CACNB4: variants seen among roughly 807,000 people sequenced by gnomAD.
CACNB4 encodes the protein voltage-dependent L-type calcium channel subunit beta-4.
Under a neutral mutation model 71.2 loss-of-function variants are expected in CACNB4, and 32 were observed. That is an observed-to-expected ratio of 0.45 (90% CI 0.34 to 0.60). The LOEUF (loss-of-function observed/expected upper bound fraction) is 0.60, where lower values mean the gene tolerates loss of function less well. CACNB4 is among the 20% of genes least tolerant of loss of function. CACNB4 has a pLI of 0.01. For synonymous variants in CACNB4, 231 were observed against 236.9 expected, an observed-to-expected ratio of 0.97 and a Z score of 0.23; for missense variants, 464 against 647.9, an observed-to-expected ratio of 0.72 and a Z score of 3.08.
At chr2:151,990,701 C>T (rs1203683799) in intron 2 of CACNB4, among the ~76,000 whole-genome samples, 9 of 152,268 alleles carry the variant, frequency 5.9e-5, no homozygotes, top group South Asian at 2.1e-4. Flanking sequence ...TCTAATACAC[C>T]ATGGGCACAA....
chr2:152,095,933 G>T (rs1397126608), intron 2 of CACNB4, among the ~76,000 whole-genome samples: 1 of 152,164 alleles, frequency 6.6e-6, no homozygotes, highest in Non-Finnish European at 1.5e-5. Flanking sequence ...GATTACAGGC[G>T]TGAGCCACTG....
chr2:151,896,042 C>T (rs1164200461), intron 2 of CACNB4, among the ~76,000 whole-genome samples: 1 of 152,114 alleles, frequency 6.6e-6, no homozygotes, highest in Non-Finnish European at 1.5e-5. Flanking sequence ...GACGGGGTTT[C>T]ACCATGTTGG....
rs145958093 is a variant in CACNB4, at chr2:151,922,730, A to G, written c.148-39360T>C. Among the ~76,000 whole-genome samples the G allele has an allele frequency of 1.1e-3, 164 of 152,358 alleles. 3 individuals are homozygous for G. In the Middle Eastern group the frequency reaches 0.017, roughly 16 times the overall value. On this transcript the variant is annotated intron_variant, in intron 2 of 13. Coordinates refer to ENST00000539935, the MANE Select transcript of CACNB4 (RefSeq NM_000726.5). ...TGACAATCAGAACTTTCCAAAAGAT[A>G]TTTACCAAGACAGTTGCAGTTTGTG...
At chr2:151,933,274 ATATTT>A (rs2099862076) in intron 2 of CACNB4, among the ~76,000 whole-genome samples, 1 of 151,866 alleles carries the variant, frequency 6.6e-6, no homozygotes. Context: ...GCCTTATTAG[ATATTT>A]TACATAATTT....
In CACNB4 at chr2:151,880,901, C is replaced by A; in HGVS notation, c.289G>T (p.Val97Leu). The change falls in exon 4 of 14, where the codon GTG becomes TTG. Residue 97 changes from valine to leucine, a missense_variant. Transcript: ENST00000539935. ...RAKSKPVAFAVKTNVSYCGAL... is the reference protein window; with the variant it reads ...RAKSKPVAFALKTNVSYCGAL... ...CCGCAGTAGCTCACATTTGTCTTCA[C>A]GGCAAATGCTACAGGTTTGGACTAG... 1.2e-6 allele frequency: 2 copies of A among 1,612,744 alleles called. No individual in the cohort carries two copies. The highest frequency in any genetic ancestry group is 1.7e-6 in the Non-Finnish European group (2 of 1,179,274).
intron 2 of CACNB4, among the ~76,000 whole-genome samples, chr2:152,030,696 T>C (rs1343272432): frequency 6.6e-6 from 1 of 152,184 alleles, no homozygotes; most frequent in Non-Finnish European, 1.5e-5. Flanking sequence ...GAACATGCAG[T>C]GTTTGGTTTT....
At chr2:151,876,178 A>G (rs2099846192) in intron 5 of CACNB4, among the ~76,000 whole-genome samples, 2 of 152,110 alleles carry the variant, frequency 1.3e-5, no homozygotes, top group Admixed American at 1.3e-4. Context: ...CCTAGAGGAA[A>G]GCTTGGGTTC....
intron 2 of CACNB4, among the ~76,000 whole-genome samples, chr2:152,053,289 T>C (rs1685543803): frequency 6.6e-6 from 1 of 152,034 alleles, no homozygotes; most frequent in Non-Finnish European, 1.5e-5. Context: ...TAATGGACAG[T>C]GATGTAGTCA....
intron 2 of CACNB4, among the ~76,000 whole-genome samples, chr2:151,911,622 T>C (rs181203842): frequency 6.6e-6 from 1 of 152,336 alleles, no homozygotes; most frequent in East Asian, 1.9e-4. Flanking sequence ...TCAGGGATAT[T>C]GGCCTGAAGT....
chr2:152,053,680 T>C (rs781547986), intron 2 of CACNB4, among the ~76,000 whole-genome samples: 16 of 152,062 alleles, frequency 1.1e-4, no homozygotes, highest in Admixed American at 7.9e-4. Context: ...CATGCTACCA[T>C]GCTCAGCTAA....
chr2:151,859,167 T>C (rs772453100), intron 10 of CACNB4: 4 of 152,248 alleles, frequency 2.6e-5, no homozygotes, highest in Non-Finnish European at 4.4e-5. Flanking sequence ...TGTGGGTTTA[T>C]GACTTTACAG....
rs150953659 is a variant in CACNB4 at position 152,008,736 on chromosome 2, G to C, written c.147+89594C>G. Among the ~76,000 whole-genome samples the C allele has an allele frequency of 8.5e-5, 13 of 152,296 alleles. No individual in the cohort carries two copies. In the East Asian group the frequency reaches 1.7e-3, roughly 20 times the overall value. On this transcript the variant is annotated intron_variant, in intron 2 of 13. Transcript: ENST00000539935. ...CCACTTAATATGGAGTCTGGCCCAA[G>C]TCTAGGGTCTTGATCCTCCAAGCAT...
chr2:152,037,035 C>T (rs1684632057), intron 2 of CACNB4, among the ~76,000 whole-genome samples: 1 of 152,186 alleles, frequency 6.6e-6, no homozygotes, highest in East Asian at 1.9e-4. Flanking sequence ...TTCTTGATGG[C>T]CTTAGCCACA....
chr2:152,022,991 G>T (rs1463267721), intron 2 of CACNB4, among the ~76,000 whole-genome samples: 1 of 152,092 alleles, frequency 6.6e-6, no homozygotes, highest in Admixed American at 6.6e-5. Context: ...AATTTATAAA[G>T]AAAAGAGGTG....
rs1688387107 is a variant in CACNB4, at chr2:152,098,230, A to AC, written c.147+99dup. On this transcript the variant is annotated intron_variant, in intron 2 of 13. Coordinates refer to ENST00000539935, the MANE Select transcript of CACNB4 (RefSeq NM_000726.5). The surrounding 1 kb of genome is among the most constrained non-coding windows in gnomAD (Gnocchi z 5.3). ...CCGGGAAGAGACGCGCGCGGGCTTG[A>AC]CCCGCAGCTCCCGCACGTGTGGGCC... The AC allele has an allele frequency of 2.2e-6, 2 of 907,768 alleles. No homozygotes were observed. The highest frequency in any genetic ancestry group is 1.6e-5 in the African/African-American group (1 of 61,266). The allele number at this position is 907,768 out of a possible 1,614,324, so 56.2% of individuals were successfully genotyped here. A position where few individuals can be genotyped will look rare whatever the true frequency, so the allele number is the denominator to read the frequency against.
intron 2 of CACNB4, among the ~76,000 whole-genome samples, chr2:151,894,818 G>C (rs1185514474): frequency 2.0e-5 from 3 of 151,694 alleles, no homozygotes; most frequent in South Asian, 2.1e-4. Context: ...ATAGTTACAA[G>C]ATAATAATAA....
At chr2:151,968,529 A>G (rs1026063615) in intron 2 of CACNB4, 10 of 152,206 alleles carry the variant, frequency 6.6e-5, no homozygotes, top group African/African-American at 2.4e-4. Flanking sequence ...CACCTGGGTA[A>G]GAGACGGTAA....
intron 2 of CACNB4, chr2:151,973,309 C>A (rs150588189): frequency 1.0e-4 from 22 of 211,060 alleles, no homozygotes; most frequent in African/African-American, 4.6e-4. Context: ...TGAGGCTTTT[C>A]TATGAACCCT....
intron 2 of CACNB4, among the ~76,000 whole-genome samples, chr2:151,888,222 T>C (rs2099849849): frequency 6.6e-6 from 1 of 152,116 alleles, no homozygotes; most frequent in Admixed American, 6.6e-5. Flanking sequence ...AGGCAAATCG[T>C]AAAATTACAG....
Sources: allele counts gnomAD v4.1 joint callset (sites outside exome capture counted in the v4.1 genomes callset), GRCh38; gene constraint gnomAD v4.1.1; non-coding constraint Gnocchi (gnomAD v3.1); transcripts MANE v1.5; gene names NCBI Gene and HGNC (gene_info 2026-07-23, HGNC 2026-07-21).